The following TANGO6 variants were observed in gnomAD, a reference collection of about 807,000 sequenced individuals.
The protein encoded by TANGO6 is transport and Golgi organization protein 6 homolog.
TANGO6 carries 90 observed loss-of-function variants against 114.2 expected under a neutral mutation model. The observed-to-expected ratio is 0.79, with a 90% CI of 0.66 to 0.94. TANGO6 has a LOEUF of 0.94. TANGO6 is among the 40% of genes least tolerant of loss of function. The pLI is 0.00. For missense variants in TANGO6, 1,274 were observed against 1,315.3 expected (o/e 0.97, Z 0.49); for synonymous variants, 477 against 509.8 (o/e 0.94, Z 0.87).
intron 13 of TANGO6, among the ~76,000 whole-genome samples, chr16:68,928,319 T>TG (rs1393199006): frequency 1.3e-5 from 2 of 148,294 alleles, no homozygotes; most frequent in Non-Finnish European, 3.0e-5. Flanking sequence ...TTTTTTTTTT[T>TG]TTTGAGATGG....
intron 1 of TANGO6, chr16:68,846,667 CTTTTTTTTTT>C (rs1260147357): frequency 8.0e-6 from 1 of 124,700 alleles, no homozygotes; most frequent in Non-Finnish European, 1.7e-5. Context: ...GGCTAATTTT[CTTTTTTTTTT>C]TTTTTTTTTA....
At chr16:68,847,092 G>T (rs149159843) in intron 1 of TANGO6, among the ~76,000 whole-genome samples, 1 of 151,472 alleles carries the variant, frequency 6.6e-6, no homozygotes, top group African/African-American at 2.4e-5. Flanking sequence ...GTTTCTCTAC[G>T]TTGGTCAGGC....
chr16:68,972,417 G>A (rs1358181730), intron 14 of TANGO6, among the ~76,000 whole-genome samples: 1 of 152,160 alleles, frequency 6.6e-6, no homozygotes, highest in African/African-American at 2.4e-5. Flanking sequence ...TTGCCTGCAA[G>A]GCTGTCAGTT....
chr16:68,930,428 A>G, intron 14 of TANGO6, 133 bp downstream of exon 14: 1 of 687,716 alleles, frequency 1.5e-6, no homozygotes. Context: ...CCTCCTAGCT[A>G]GGACACTTTA....
At chr16:68,943,506 G>A (rs1327055021) in intron 14 of TANGO6, among the ~76,000 whole-genome samples, 3 of 151,892 alleles carry the variant, frequency 2.0e-5, no homozygotes, top group Non-Finnish European at 2.9e-5. Context: ...TGGGACTACA[G>A]GTGCCTGCCA....
intron 1 of TANGO6, among the ~76,000 whole-genome samples, chr16:68,853,727 T>C (rs994005090): frequency 1.8e-4 from 28 of 152,332 alleles, no homozygotes; most frequent in African/African-American, 6.7e-4. Flanking sequence ...CCAGACCAAC[T>C]GAGCTTTGAT....
intron 15 of TANGO6, among the ~76,000 whole-genome samples, chr16:69,005,527 C>T (rs1367827343): frequency 6.6e-6 from 1 of 152,120 alleles, no homozygotes; most frequent in Admixed American, 6.5e-5. Flanking sequence ...CACGGTGGCT[C>T]ATGCCTGTAA....
At position 68,980,071 on chromosome 16, in the gene TANGO6, C is replaced by T. The variant is rs1963809524; in HGVS notation, c.2842+5903C>T. On this transcript the variant is annotated intron_variant, in intron 15 of 17. Transcript: ENST00000261778. ...CCATGCTGGCCAGGCTGGTCTCGAA[C>T]TCCTGACCTCGTGATCTGCCCGCCT... 2.6e-5 allele frequency among the ~76,000 whole-genome samples: 4 copies of T among 152,076 alleles called. No homozygotes were observed. The South Asian group carries it at 8.3e-4, about 32-fold the overall frequency.
At chr16:68,866,021 A>G (rs1962171835) in intron 3 of TANGO6, among the ~76,000 whole-genome samples, 1 of 152,210 alleles carries the variant, frequency 6.6e-6, no homozygotes, top group African/African-American at 2.4e-5. Context: ...CCTGTTGTGA[A>G]CTACCCTCTT....
intron 12 of TANGO6, chr16:68,926,984 A>G (rs1334363228): frequency 6.5e-6 from 1 of 154,464 alleles, no homozygotes; most frequent in African/African-American, 2.4e-5. Context: ...AGTAAGGCAT[A>G]TGACATTATT....
intron 1 of TANGO6, among the ~76,000 whole-genome samples, chr16:68,845,424 T>A (rs538440596): frequency 6.6e-6 from 1 of 152,360 alleles, no homozygotes; most frequent in Non-Finnish European, 1.5e-5. Flanking sequence ...ACTCATTTAA[T>A]TTACAGAAAT....
chr16:69,045,229 C>T (rs947103552), intron 17 of TANGO6, among the ~76,000 whole-genome samples: 2 of 148,830 alleles, frequency 1.3e-5, no homozygotes, highest in Non-Finnish European at 1.5e-5. Context: ...CCGAGGCGGG[C>T]GGATCATGAG....
chr16:68,961,364 A>G (rs776680395), intron 14 of TANGO6, among the ~76,000 whole-genome samples: 7 of 152,234 alleles, frequency 4.6e-5, no homozygotes, highest in Non-Finnish European at 7.3e-5. Context: ...GCCACATGGC[A>G]GCTCTGTCAT....
chr16:68,875,099 G>T, intron 4 of TANGO6, 55 bp from the exon 5 acceptor site: 1 of 1,534,342 alleles, frequency 6.5e-7, no homozygotes, highest in Non-Finnish European at 8.9e-7. Flanking sequence ...TTGTTACATG[G>T]GACCTTCTGT....
chr16:68,973,884 C>A, intron 14 of TANGO6, 144 bp from the exon 15 acceptor site: 1 of 923,610 alleles, frequency 1.1e-6, no homozygotes, highest in Non-Finnish European at 1.6e-6. Context: ...TATGCTGACT[C>A]TCCAAACAAT....
Position 68,895,361 on chromosome 16 carries a change from T to C in TANGO6, c.1378-5073T>C, listed in dbSNP as rs150493289. On this transcript the variant is annotated intron_variant, in intron 7 of 17. Coordinates refer to ENST00000261778, the MANE Select transcript of TANGO6 (RefSeq NM_024562.2). ...AAGACTTTGTCTCAAAAAATAAAAA[T>C]ATAAAATAAAAAAATAAAAGCAGTA... Among the ~76,000 whole-genome samples the C allele has an allele frequency of 1.7e-3, 251 of 152,104 alleles. 1 individual carries two copies. Among genetic ancestry groups the C allele is most frequent in the African/African-American group, 5.7e-3 (237 of 41,506 alleles).
At chr16:68,875,348 G>A in intron 5 of TANGO6, 58 bp downstream of exon 5, 1 of 1,573,546 alleles carries the variant, frequency 6.4e-7, no homozygotes, top group Non-Finnish European at 8.7e-7. Flanking sequence ...TACAGAAAGA[G>A]GACTTTTAAT....
At chr16:68,929,268 T>C (rs1157605882) in intron 13 of TANGO6, among the ~76,000 whole-genome samples, 2 of 152,224 alleles carry the variant, frequency 1.3e-5, no homozygotes, top group Non-Finnish European at 2.9e-5. Context: ...ATGAACATCT[T>C]GGAATTTTTT....
chr16:68,857,813 T>A (rs1288210072), intron 1 of TANGO6, among the ~76,000 whole-genome samples: 1 of 152,228 alleles, frequency 6.6e-6, no homozygotes, highest in Non-Finnish European at 1.5e-5. Flanking sequence ...CCATGTGTAC[T>A]ATTTTATAAG....
Sources: allele counts gnomAD v4.1 joint callset (sites outside exome capture counted in the v4.1 genomes callset), GRCh38; gene constraint gnomAD v4.1.1; transcripts MANE v1.5; gene names NCBI Gene and HGNC (gene_info 2026-07-23, HGNC 2026-07-21).